Variants in CEP295NL observed in about 807,000 individuals in gnomAD.
The protein encoded by CEP295NL is protein DDC8 homolog.
In CEP295NL, 3 loss-of-function variants were observed where a neutral mutation model predicts 4.6. The ratio of observed to expected loss-of-function variants is 0.65; its 90% CI spans 0.30 to 1.69. The LOEUF is 1.69. CEP295NL is among the 40% of genes most tolerant of loss of function. The pLI is 0.10. For missense variants in CEP295NL, 719 were observed against 769.0 expected, an observed-to-expected ratio of 0.93 and a Z score of 0.77; for synonymous variants, 295 against 312.2, an observed-to-expected ratio of 0.94 and a Z score of 0.58.
chr17:78,891,965 C>A lies in CEP295NL; in HGVS notation c.539G>T (p.Cys180Phe). The A allele has an allele frequency of 6.4e-7, 1 of 1,550,608 alleles. No individual in the cohort carries two copies. The highest frequency in any genetic ancestry group is 8.7e-7 in the Non-Finnish European group (1 of 1,147,008). The stretch of plus-strand genomic sequence containing the variant: ...GTGTTGCTGGCCCAACTCTTCCCTG[C>A]AACTCCTCTCTTCACTAAGGGCTGC... ...HRAALSEERS[C>F]REELGQQHPR... Residue 180 changes from cysteine (C) to phenylalanine (F), a missense_variant, in exon 3 of 3, where the codon TGC (cysteine) becomes TTC (phenylalanine). Cys to Phe is a radical substitution (Grantham distance 205). Coordinates refer to ENST00000322630, the MANE Select transcript of CEP295NL (RefSeq NM_001243540.2). This position sits in a 1 kb window ranked among gnomAD's most constrained non-coding sequence, Gnocchi z 4.5.
chr17:78,892,806 A>G (rs1191586589), intron 2 of CEP295NL, among the ~76,000 whole-genome samples: 1 of 151,988 alleles, frequency 6.6e-6, no homozygotes, highest in Non-Finnish European at 1.5e-5. Flanking sequence ...AATACCCCAC[A>G]CTGCACAGGA....
chr17:78,893,399 A>G (rs1599162776), intron 2 of CEP295NL, among the ~76,000 whole-genome samples: 2 of 49,994 alleles, frequency 4.0e-5, no homozygotes, highest in Non-Finnish European at 8.1e-5. Context: ...GTGTGTATGC[A>G]GGGGTGTGTG....
At chr17:78,902,878 T>C (rs1470868765) in intron 1 of CEP295NL, 1 of 152,350 alleles carries the variant, frequency 6.6e-6, no homozygotes, top group African/African-American at 2.4e-5. Context: ...CCAACAACCA[T>C]ATTCATCTCC....
At chr17:78,900,256 G>T (rs1599168608) in intron 2 of CEP295NL, 1 of 152,072 alleles carries the variant, frequency 6.6e-6, no homozygotes, top group East Asian at 1.9e-4. Flanking sequence ...TAAAATTGTG[G>T]TTTTTTTGGC....
intron 1 of CEP295NL, chr17:78,902,762 T>C (rs1462756293): frequency 6.6e-6 from 1 of 152,206 alleles, no homozygotes; most frequent in African/African-American, 2.4e-5. Context: ...CAGCGTCCAT[T>C]ACCGCTTCCC....
Position 78,891,368 on chromosome 17 carries a change from A to G in CEP295NL, c.1136T>C (p.Phe379Ser), listed in dbSNP as rs1225021596. 3 of 1,550,402 alleles carry G rather than the reference A, an allele frequency of 1.9e-6. No individual in the cohort carries two copies. In the African/African-American group the frequency reaches 4.1e-5, roughly 21 times the overall value. ...AGCGCCACACTCTTGCATCTCTGAG[A>G]AGGCATGCCCTTCCCCAGGTCTCTG... is the stretch of plus-strand genomic sequence containing the variant. ...MDQRPGEGHA[F>S]SEMQECGAGT... The change falls in exon 3 of 3, where the codon TTC becomes TCC. Residue 379 changes from phenylalanine (F) to serine (S), a missense_variant. Coordinates refer to ENST00000322630, the MANE Select transcript of CEP295NL (RefSeq NM_001243540.2). The surrounding 1 kb of genome is among the most constrained non-coding windows in gnomAD (Gnocchi z 4.5).
chr17:78,893,157 AG>A lies in CEP295NL; in HGVS notation c.45-699del, dbSNP rs202221614. ...GGTGTGTGTGCGTACATGTGTGTGC[AG>A]GGGTGTGTGTGCATACATGTGTGTG... On this transcript the variant is annotated intron_variant, in intron 2 of 2. Transcript: ENST00000322630. Among the ~76,000 whole-genome samples, 608 of 123,380 alleles carry A rather than the reference AG, an allele frequency of 4.9e-3. 5 individuals carry two copies. The highest frequency in any genetic ancestry group is 0.018 in the African/African-American group (568 of 31,110). 80.9% of individuals were successfully genotyped at this position (123,380 alleles called of 152,430 possible). A position where few individuals can be genotyped will look rare whatever the true frequency, so the allele number is the denominator to read the frequency against.
In CEP295NL at chr17:78,891,342, C is replaced by T; in HGVS notation, c.1162G>A (p.Gly388Arg). 1.3e-6 allele frequency: 2 copies of T among 1,550,430 alleles called. No individual in the cohort carries two copies. The highest frequency in any genetic ancestry group is 1.7e-6 in the Non-Finnish European group (2 of 1,146,922). ...GCCATTTTCTTCCCTCTTGGGGTCC[C>T]AGCGCCACACTCTTGCATCTCTGAG... Reference protein sequence around the residue: ...AFSEMQECGAGTPRGKKMADP... With the variant: ...AFSEMQECGARTPRGKKMADP... The change falls in exon 3 of 3, where the codon GGG becomes AGG. Residue 388 changes from glycine to arginine, a missense_variant. Transcript: ENST00000322630. This position sits in a 1 kb window ranked among gnomAD's most constrained non-coding sequence, Gnocchi z 4.5.
At position 78,892,417 on chromosome 17, in the gene CEP295NL, C is replaced by A; in HGVS notation, c.87G>T (p.Pro29=). ...GAGTGGAGGGTTCAAGGGGCGCCCC[C>A]GGGCCTGAGGAGCCACAGAAGCCAC... is the stretch of plus-strand genomic sequence containing the variant. ...ERCGFCGSSG[P]GAPLEPSTLG... is the part of the protein sequence containing the mutation. Residue 29 remains proline (P), a synonymous_variant, in exon 3 of 3, where the codon CCG becomes CCT. Transcript: ENST00000322630. 6.5e-7 allele frequency: 1 copy of A among 1,549,332 alleles called. No individual in the cohort carries two copies. The highest frequency in any genetic ancestry group is 8.7e-7 in the Non-Finnish European group (1 of 1,146,456).
At chr17:78,895,481 T>C (rs1232102424) in intron 2 of CEP295NL, among the ~76,000 whole-genome samples, 3 of 152,000 alleles carry the variant, frequency 2.0e-5, no homozygotes, top group Middle Eastern at 3.2e-3. Flanking sequence ...CAATAGCAAC[T>C]GTCAGTGAGG....
At chr17:78,897,104 C>G in intron 2 of CEP295NL, 2 of 590,268 alleles carry the variant, frequency 3.4e-6, no homozygotes, top group East Asian at 1.4e-4. Context: ...CACCCCCCCG[C>G]CCCCCGCCGG....
intron 2 of CEP295NL, among the ~76,000 whole-genome samples, chr17:78,893,240 T>G (rs2069936270): frequency 7.4e-6 from 1 of 134,764 alleles, no homozygotes; most frequent in Admixed American, 7.3e-5. Context: ...TGTGCATGTG[T>G]GTGTAGGAGT....
At chr17:78,893,374 AGT>A (rs1348841307) in intron 2 of CEP295NL, among the ~76,000 whole-genome samples, 4 of 44,622 alleles carry the variant, frequency 9.0e-5, no homozygotes, top group African/African-American at 2.8e-4. Context: ...GGTGTGTAGG[AGT>A]GTGTGTGCAG....
chr17:78,899,964 A>G (rs1568003901), intron 2 of CEP295NL: 1 of 152,170 alleles, frequency 6.6e-6, no homozygotes, highest in Non-Finnish European at 1.5e-5. Flanking sequence ...ATTTCCATAT[A>G]ATTAGAGCTT....
At chr17:78,901,225 AATG>A (rs2070087788) in intron 2 of CEP295NL, 1 of 154,366 alleles carries the variant, frequency 6.5e-6, no homozygotes, top group South Asian at 2.0e-4. Flanking sequence ...CGTGGAGCTA[AATG>A]ATGGTCAACA....
In CEP295NL at chr17:78,896,246, T is replaced by C. The variant is rs2069997712; in HGVS notation, c.45-3787A>G. On this transcript the variant is annotated intron_variant, in intron 2 of 2. Coordinates refer to ENST00000322630, the MANE Select transcript of CEP295NL (RefSeq NM_001243540.2). This position sits in a 1 kb window ranked among gnomAD's most constrained non-coding sequence, Gnocchi z 4.4. ...GTCTCACGTGGACTTGTGCAGGCAC[T>C]GGCAGGGAAAGCAACAGAGCCTTAG... Among the ~76,000 whole-genome samples the C allele has an allele frequency of 6.6e-6, 1 of 152,174 alleles. No individual in the cohort carries two copies. The highest frequency in any genetic ancestry group is 1.5e-5 in the Non-Finnish European group (1 of 68,028).
At chr17:78,895,591 A>G (rs1415673531) in intron 2 of CEP295NL, among the ~76,000 whole-genome samples, 5 of 152,174 alleles carry the variant, frequency 3.3e-5, no homozygotes, top group East Asian at 1.9e-4. Context: ...TAAAAAGGGA[A>G]ACACAGACTT....
rs763454747 is a variant in CEP295NL at position 78,892,308 on chromosome 17, T to G, written c.196A>C (p.Ser66Arg). 2.6e-6 allele frequency: 4 copies of G among 1,550,676 alleles called. No homozygotes were observed. ...AGGTCTTCGTTATCAGGACAGAGGCTCAGCCACATGGCTCCATCCATGTTT... is the reference window on the plus strand; with the variant it reads ...AGGTCTTCGTTATCAGGACAGAGGCGCAGCCACATGGCTCCATCCATGTTT... ...NRNMDGAMWL[S>R]LCPDNEDLLW... Residue 66 changes from serine (S) to arginine (R), a missense_variant, in exon 3 of 3, where the codon AGC becomes CGC. By Grantham distance (110) the Ser-to-Arg change is moderately radical. Transcript: ENST00000322630.
chr17:78,901,936 T>C lies in CEP295NL; in HGVS notation c.-98-10A>G. On this transcript the variant is annotated splice_polypyrimidine_tract_variant and intron_variant, in intron 1 of 2. Transcript: ENST00000322630. ...AGTGAGACGCCCATCACTGGAGGCA[T>C]CCGAACCAAGCCCAGATAAAACAAA... The C allele has an allele frequency of 1.6e-6, 1 of 608,784 alleles. No individual in the cohort carries two copies. Among genetic ancestry groups the C allele is most frequent in the South Asian group, 1.9e-5 (1 of 51,368 alleles). The allele number at this position is 608,784 out of a possible 1,614,324, so 37.7% of individuals were successfully genotyped here.
Sources: gnomAD v4.1 joint callset for allele counts (sites outside exome capture counted in the v4.1 genomes callset) on GRCh38, gnomAD v4.1.1 for gene constraint, Gnocchi (gnomAD v3.1) non-coding constraint, MANE v1.5 for transcripts, NCBI Gene and HGNC (gene_info 2026-07-23, HGNC 2026-07-21) for gene names.